The following ARFGEF2 variants were observed in gnomAD, a reference collection of about 807,000 sequenced individuals.
The protein encoded by ARFGEF2 is ARF guanine nucleotide exchange factor 2, also known as brefeldin A-inhibited guanine nucleotide-exchange protein 2.
In ARFGEF2, 74 loss-of-function variants were observed where a neutral mutation model predicts 219.9. That is an observed-to-expected ratio of 0.34 (90% CI 0.28 to 0.41). The LOEUF (loss-of-function observed/expected upper bound fraction) is 0.41. Ranked by LOEUF, ARFGEF2 falls within the 10% of genes least tolerant of loss-of-function variation. ARFGEF2 has a pLI of 1.00. For synonymous variants in ARFGEF2, 733 were observed against 799.2 expected, an observed-to-expected ratio of 0.92 and a Z score of 1.40; for missense variants, 1,743 against 2,218.3, an observed-to-expected ratio of 0.79 and a Z score of 4.30.
chr20:48,976,050 T>C lies in ARFGEF2; in HGVS notation c.1809T>C (p.Asp603=), dbSNP rs142912624. ...QERLTDQEIG[D]GKGLDMARRC... is the part of the protein sequence containing the mutation. ...GGCTCACGGATCAGGAAATAGGGGATGGGAAAGGCCTTGACATGGCAAGAC... is the reference window on the plus strand; with the variant it reads ...GGCTCACGGATCAGGAAATAGGGGACGGGAAAGGCCTTGACATGGCAAGAC... The change falls in exon 14 of 39, where the codon GAT becomes GAC. Residue 603 remains aspartate (D), a synonymous_variant. Transcript: ENST00000371917. The C allele has an allele frequency of 1.4e-5, 23 of 1,612,350 alleles. No homozygotes were observed. In the African/African-American group the frequency reaches 2.9e-4, roughly 21 times the overall value.
chr20:48,999,707 A>G (rs548211736), intron 25 of ARFGEF2, among the ~76,000 whole-genome samples: 1 of 149,196 alleles, frequency 6.7e-6, no homozygotes, highest in African/African-American at 2.5e-5. Context: ...AGATCGTGCC[A>G]CTGCCCTCCA....
At chr20:48,949,797 T>G (rs1445678504) in intron 3 of ARFGEF2, among the ~76,000 whole-genome samples, 1 of 152,148 alleles carries the variant, frequency 6.6e-6, no homozygotes, top group African/African-American at 2.4e-5. Flanking sequence ...CAGAAGCATG[T>G]GACCAGTAGA....
chr20:48,952,941 CAT>C, intron 5 of ARFGEF2, 57 bp downstream of exon 5: 1 of 1,567,774 alleles, frequency 6.4e-7, no homozygotes, highest in Non-Finnish European at 8.8e-7. Flanking sequence ...TGAACTCTAT[CAT>C]GTGTGACCTT....
At chr20:49,015,197 C>G (rs2091522569) in intron 30 of ARFGEF2, among the ~76,000 whole-genome samples, 1 of 151,534 alleles carries the variant, frequency 6.6e-6, no homozygotes, top group Non-Finnish European at 1.5e-5. Context: ...TCACAGCAAC[C>G]TCTGTCTCCT....
chr20:49,002,170 G>A (rs1005035765), intron 25 of ARFGEF2, among the ~76,000 whole-genome samples: 19 of 152,198 alleles, frequency 1.2e-4, no homozygotes, highest in Admixed American at 1.2e-3. Context: ...CCCGGGGGGT[G>A]GAGGTTGCAG....
intron 36 of ARFGEF2, among the ~76,000 whole-genome samples, chr20:49,026,584 CTTTT>C (rs540361594): frequency 7.6e-6 from 1 of 131,550 alleles, no homozygotes; most frequent in Admixed American, 7.7e-5. Context: ...TTTACCATTA[CTTTT>C]TTTTTTTTTT....
chr20:48,993,340 C>G (rs2091367768), intron 21 of ARFGEF2, among the ~76,000 whole-genome samples: 1 of 152,186 alleles, frequency 6.6e-6, no homozygotes, highest in African/African-American at 2.4e-5. Flanking sequence ...ACTTGAGATT[C>G]CAGCTGTCCC....
chr20:49,022,434 A>C (rs769338307), intron 34 of ARFGEF2, among the ~76,000 whole-genome samples: 32,498 of 143,834 alleles, frequency 0.23, 3,646 homozygotes, highest in African/African-American at 0.25. Flanking sequence ...AACAACAAAA[A>C]AAAAAAACCC....
rs746170294 is a variant in ARFGEF2 at position 48,965,987 on chromosome 20, C to G, written c.1023C>G (p.Ala341=). Residue 341 remains alanine, a synonymous_variant, in exon 8 of 39, where the codon GCC becomes GCG. Transcript: ENST00000371917. ...AAAACTCACAGACCAACGGGATAGC[C>G]GATGACAGGCAGTCCTTGTCGTCAG... ...VDENSQTNGI[A]DDRQSLSSAD... 6.2e-7 allele frequency: 1 copy of G among 1,614,052 alleles called. No individual in the cohort carries two copies. Among genetic ancestry groups the G allele is most frequent in the Non-Finnish European group, 8.5e-7 (1 of 1,179,966 alleles).
At chr20:49,018,196 A>G (rs1202453206) in intron 33 of ARFGEF2, among the ~76,000 whole-genome samples, 1 of 152,182 alleles carries the variant, frequency 6.6e-6, no homozygotes, top group Non-Finnish European at 1.5e-5. Flanking sequence ...TTTGGGATAC[A>G]GCAACTGTCT....
intron 7 of ARFGEF2, 73 bp from the exon 8 acceptor site, chr20:48,965,799 T>C: frequency 1.3e-6 from 2 of 1,576,360 alleles, no homozygotes; most frequent in Non-Finnish European, 1.7e-6. Flanking sequence ...AGATAACTTC[T>C]TTTTGGTGTC....
intron 31 of ARFGEF2, 141 bp from the exon 32 acceptor site, chr20:49,017,107 CT>C (rs999331084): frequency 2.7e-6 from 2 of 745,656 alleles, no homozygotes; most frequent in African/African-American, 3.6e-5. Flanking sequence ...AATTTTAATA[CT>C]GTCTGTAGCA....
intron 14 of ARFGEF2, among the ~76,000 whole-genome samples, chr20:48,979,329 T>G (rs1299257799): frequency 1.3e-5 from 2 of 152,240 alleles, no homozygotes; most frequent in East Asian, 3.8e-4. Flanking sequence ...TGAAGCTGAC[T>G]TGATCGTGGT....
At position 49,033,484 on chromosome 20, in the gene ARFGEF2, C is replaced by T; in HGVS notation, c.*285C>T. On this transcript the variant is annotated 3_prime_UTR_variant, in exon 39 of 39. Coordinates refer to ENST00000371917, the MANE Select transcript of ARFGEF2 (RefSeq NM_006420.3). ...CTGTCAAATCTGTCATTGCATATGCCATCGTTTTCTAGCAAAATCCCATGA... is the reference window on the plus strand; with the variant it reads ...CTGTCAAATCTGTCATTGCATATGCTATCGTTTTCTAGCAAAATCCCATGA... The T allele has an allele frequency of 2.5e-6, 1 of 405,770 alleles. No individual in the cohort carries two copies. Among genetic ancestry groups the T allele is most frequent in the South Asian group, 3.2e-5 (1 of 31,398 alleles). 25.1% of individuals were successfully genotyped at this position (405,770 alleles called of 1,614,324 possible). A position where few individuals can be genotyped will look rare whatever the true frequency, so the allele number is the denominator to read the frequency against.
At position 48,921,928 on chromosome 20, in the gene ARFGEF2, G is replaced by A. The variant is rs930880468; in HGVS notation, c.39G>A (p.Arg13=). The A allele has an allele frequency of 9.0e-6, 14 of 1,558,178 alleles. No individual in the cohort carries two copies. The highest frequency in any genetic ancestry group is 1.9e-5 in the Admixed American group (1 of 51,546). ...ESQTKSMFVS[R]ALEKILADKE... ...AGACCAAGAGCATGTTCGTGTCCCG[G>A]GCCCTGGAGAAGATCCTAGCCGACA... The change falls in exon 1 of 39, where the codon CGG becomes CGA. Residue 13 remains arginine, a synonymous_variant. Coordinates refer to ENST00000371917, the MANE Select transcript of ARFGEF2 (RefSeq NM_006420.3).
chr20:49,028,657 G>A lies in ARFGEF2; in HGVS notation c.5052G>A (p.Gln1684=), dbSNP rs762335215. ...GGGATTCCTGGGAAGAAATACAGCA[G>A]AGACTTTTAACGTAAGAAAATTAGT... ...NRRDSWEEIQ[Q]RLLTVCSEAL... is the part of the protein sequence containing the mutation. Residue 1684 remains glutamine, a synonymous_variant, in exon 37 of 39, where the codon CAG becomes CAA. Transcript: ENST00000371917. 1.9e-6 allele frequency: 3 copies of A among 1,614,124 alleles called. No individual in the cohort carries two copies. In the South Asian group the frequency reaches 3.3e-5, roughly 18 times the overall value.
chr20:49,008,210 G>C (rs1168910547), intron 26 of ARFGEF2, among the ~76,000 whole-genome samples: 1 of 152,154 alleles, frequency 6.6e-6, no homozygotes, highest in East Asian at 1.9e-4. Flanking sequence ...AAATAAACAA[G>C]TGTTAAAGTA....
intron 14 of ARFGEF2, among the ~76,000 whole-genome samples, chr20:48,983,563 C>G (rs6063344): frequency 1.3e-5 from 2 of 152,202 alleles, no homozygotes; most frequent in African/African-American, 2.4e-5. Flanking sequence ...GCACCATGGC[C>G]TGACCCAGCC....
intron 26 of ARFGEF2, among the ~76,000 whole-genome samples, chr20:49,006,504 C>A (rs1225485715): frequency 6.6e-6 from 1 of 152,028 alleles, no homozygotes; most frequent in East Asian, 1.9e-4. Flanking sequence ...GTAATGGGCT[C>A]TGAAGGACAT....
Sources: gnomAD v4.1 joint callset for allele counts (sites outside exome capture counted in the v4.1 genomes callset) on GRCh38, gnomAD v4.1.1 for gene constraint, MANE v1.5 for transcripts, NCBI Gene and HGNC (gene_info 2026-07-23, HGNC 2026-07-21) for gene names.